Variants in FAM135B observed in about 807,000 individuals in gnomAD.
FAM135B encodes the protein family with sequence similarity 135 member B, also known as protein FAM135B.
FAM135B carries 43 observed loss-of-function variants against 127.7 expected under a neutral mutation model. The observed-to-expected ratio is 0.34, with a 90% CI of 0.26 to 0.43. The LOEUF is 0.43. FAM135B is among the 20% of genes least tolerant of loss of function. The pLI is 1.00. For missense variants in FAM135B, 1,558 were observed against 1,725.6 expected (o/e 0.90, Z 1.72); for synonymous variants, 670 against 665.1 (o/e 1.01, Z -0.11).
chr8:138,402,260 G>C (rs918444909), intron 1 of FAM135B, among the ~76,000 whole-genome samples: 1 of 152,030 alleles, frequency 6.6e-6, no homozygotes, highest in African/African-American at 2.4e-5. Context: ...GGGTATTTCT[G>C]GTATTGTATA....
At chr8:138,446,223 T>C (rs1401064775) in intron 1 of FAM135B, among the ~76,000 whole-genome samples, 1 of 152,162 alleles carries the variant, frequency 6.6e-6, no homozygotes, top group Non-Finnish European at 1.5e-5. Flanking sequence ...AAAATGGCCA[T>C]ATTGCCCAAG....
chr8:138,171,572 C>G (rs1820450330), intron 11 of FAM135B, among the ~76,000 whole-genome samples: 1 of 152,242 alleles, frequency 6.6e-6, no homozygotes, highest in Non-Finnish European at 1.5e-5. Flanking sequence ...CAGTATTTGA[C>G]TAAAACATAC....
chr8:138,250,311 C>T (rs568731718), intron 6 of FAM135B, among the ~76,000 whole-genome samples: 2 of 152,260 alleles, frequency 1.3e-5, no homozygotes, highest in Admixed American at 6.5e-5. Flanking sequence ...CGAGGTGGTG[C>T]CATTGTACTC....
At chr8:138,160,201 TTGACTG>T (rs1563709027) in intron 12 of FAM135B, among the ~76,000 whole-genome samples, 1 of 152,114 alleles carries the variant, frequency 6.6e-6, no homozygotes, top group Admixed American at 6.5e-5. Context: ...GATCTCCTTT[TTGACTG>T]GATGTTACTT....
At chr8:138,162,050 C>A (rs1819457312) in intron 12 of FAM135B, among the ~76,000 whole-genome samples, 1 of 152,150 alleles carries the variant, frequency 6.6e-6, no homozygotes, top group African/African-American at 2.4e-5. Flanking sequence ...GCTTCAATAT[C>A]ATTTAGTCCC....
At chr8:138,392,039 TA>T (rs1456229997) in intron 1 of FAM135B, among the ~76,000 whole-genome samples, 1 of 152,178 alleles carries the variant, frequency 6.6e-6, no homozygotes, top group Admixed American at 6.5e-5. Flanking sequence ...GGGTAAGGCA[TA>T]AGACTCAATA....
At chr8:138,416,931 G>A (rs111486797) in intron 1 of FAM135B, among the ~76,000 whole-genome samples, 66 of 152,278 alleles carry the variant, frequency 4.3e-4, no homozygotes, top group African/African-American at 1.4e-3. Context: ...AAAGAGGCAT[G>A]GAGTGGCCCA....
chr8:138,284,190 G>A lies in FAM135B; in HGVS notation c.158-18348C>T, dbSNP rs116691362. Among the ~76,000 whole-genome samples, 249 of 152,202 alleles carry A rather than the reference G, an allele frequency of 1.6e-3. 3 individuals carry two copies. Among genetic ancestry groups the A allele is most frequent in the African/African-American group, 5.6e-3 (233 of 41,540 alleles). ...AACCTCTTGCATACGGCAAAAATCT[G>A]AGGGTCACCTTCAATAAATCCTTTT... On this transcript the variant is annotated intron_variant, in intron 3 of 19. Coordinates refer to ENST00000395297, the MANE Select transcript of FAM135B (RefSeq NM_015912.4).
chr8:138,309,071 A>G (rs1455609640), intron 3 of FAM135B: 1 of 433,192 alleles, frequency 2.3e-6, no homozygotes, highest in Non-Finnish European at 4.5e-6. Flanking sequence ...TATAATTTCT[A>G]AGACAAATAT....
chr8:138,303,008 A>G (rs923099798), intron 3 of FAM135B, among the ~76,000 whole-genome samples: 3 of 152,234 alleles, frequency 2.0e-5, no homozygotes, highest in African/African-American at 7.2e-5. Context: ...TAGTTCAACC[A>G]TTGTGGAAGA....
intron 6 of FAM135B, among the ~76,000 whole-genome samples, chr8:138,248,201 G>A (rs79531793): frequency 0.045 from 6,882 of 152,160 alleles, 467 homozygotes; most frequent in African/African-American, 0.15. Flanking sequence ...TAACAAGCAG[G>A]GGGCTCAGAT....
chr8:138,330,845 A>ATT (rs1238818859), intron 2 of FAM135B, among the ~76,000 whole-genome samples: 45 of 142,850 alleles, frequency 3.2e-4, no homozygotes, highest in African/African-American at 1.1e-3. Context: ...ATAAATGTAC[A>ATT]TTTTTTTTTT....
In FAM135B at chr8:138,241,427, G is replaced by A. The variant is rs1244085674; in HGVS notation, c.669+1515C>T. On this transcript the variant is annotated intron_variant, in intron 7 of 19. Transcript: ENST00000395297. The surrounding 1 kb of genome is among the most constrained non-coding windows in gnomAD (Gnocchi z 4.8). Reference sequence around the variant, plus strand: ...ATTCTGGCTTCAGGTCCCCTCAGCAGGTTCTTGACAACTCTTTTCTTTGCT... The same window carrying A: ...ATTCTGGCTTCAGGTCCCCTCAGCAAGTTCTTGACAACTCTTTTCTTTGCT... Among the ~76,000 whole-genome samples, 1 of 152,124 alleles carries A rather than the reference G, an allele frequency of 6.6e-6. No individual in the cohort carries two copies.
intron 2 of FAM135B, among the ~76,000 whole-genome samples, chr8:138,341,609 G>GA (rs149518372): frequency 6.6e-6 from 1 of 152,008 alleles, no homozygotes; most frequent in Non-Finnish European, 1.5e-5. Flanking sequence ...TACCAAAATT[G>GA]AAAAAAATTA....
rs112604562 is a variant in FAM135B at position 138,344,615 on chromosome 8, G to A, written c.77+23292C>T. Among the ~76,000 whole-genome samples, 67 of 127,776 alleles carry A rather than the reference G, an allele frequency of 5.2e-4. No individual in the cohort carries two copies. In the East Asian group the frequency reaches 8.0e-3, roughly 15 times the overall value. The allele number at this position is 127,776 out of a possible 152,430, so 83.8% of individuals were successfully genotyped here. ...TTTTGTTAAGGAGTCTCGCTCTGTC[G>A]CCCAGGCTGGAGTGCAGTGGCGCGA... On this transcript the variant is annotated intron_variant, in intron 2 of 19. Coordinates refer to ENST00000395297, the MANE Select transcript of FAM135B (RefSeq NM_015912.4).
At chr8:138,148,265 T>C (rs1817816832) in intron 14 of FAM135B, among the ~76,000 whole-genome samples, 1 of 152,228 alleles carries the variant, frequency 6.6e-6, no homozygotes, top group African/African-American at 2.4e-5. Context: ...TATGTATTGA[T>C]TTATTCCATT....
intron 2 of FAM135B, among the ~76,000 whole-genome samples, chr8:138,343,017 A>G (rs1270983925): frequency 3.3e-5 from 5 of 152,236 alleles, no homozygotes. Flanking sequence ...CTTACATTCC[A>G]TGCTTCAATA....
At chr8:138,176,690 T>C (rs973436489) in intron 11 of FAM135B, among the ~76,000 whole-genome samples, 1 of 152,236 alleles carries the variant, frequency 6.6e-6, no homozygotes, top group African/African-American at 2.4e-5. Flanking sequence ...ATTTTTGCTA[T>C]GGCATCTCAA....
chr8:138,401,699 A>G (rs1833164045), intron 1 of FAM135B, among the ~76,000 whole-genome samples: 2 of 152,224 alleles, frequency 1.3e-5, no homozygotes, highest in Admixed American at 1.3e-4. Context: ...GTTCAATGCA[A>G]TATTTTCCTA....
Sources: allele counts gnomAD v4.1 joint callset (sites outside exome capture counted in the v4.1 genomes callset), GRCh38; gene constraint gnomAD v4.1.1; non-coding constraint Gnocchi (gnomAD v3.1); transcripts MANE v1.5; gene names NCBI Gene and HGNC (gene_info 2026-07-23, HGNC 2026-07-21).